The following SEMA3A variants were observed in gnomAD, a reference collection of about 807,000 sequenced individuals.
SEMA3A encodes semaphorin 3A.
Under a neutral mutation model 97.9 loss-of-function variants are expected in SEMA3A, and 29 were observed. That is an observed-to-expected ratio of 0.30 (90% confidence interval 0.22 to 0.40). SEMA3A has a LOEUF of 0.40. Among genes scored for constraint, SEMA3A ranks in the 10% least tolerant of loss-of-function variants. The probability of loss-of-function intolerance (pLI) is 1.00; values close to 1 mark genes in which losing one functional copy is unlikely to be tolerated. For missense variants in SEMA3A, 763 were observed against 951.3 expected (o/e 0.80, Z 2.60); for synonymous variants, 321 against 323.7 (o/e 0.99, Z 0.09).
At chr7:84,115,451 T>A (rs1420672320) in intron 3 of SEMA3A, among the ~76,000 whole-genome samples, 1 of 70,000 alleles carries the variant, frequency 1.4e-5, no homozygotes, top group African/African-American at 3.9e-5. Flanking sequence ...TCAAAATGAT[T>A]ATACACTAGG....
At chr7:84,008,457 C>G (rs966948930) in intron 9 of SEMA3A, among the ~76,000 whole-genome samples, 9 of 144,058 alleles carry the variant, frequency 6.2e-5, no homozygotes, top group Non-Finnish European at 1.3e-4. Context: ...TGCCACTGCA[C>G]TCCAGCCTGG....
chr7:84,397,415 TTATA>T (rs895714622), intron 1 of SEMA3A, among the ~76,000 whole-genome samples: 2 of 148,274 alleles, frequency 1.3e-5, no homozygotes, highest in African/African-American at 4.9e-5. Flanking sequence ...GTAATAAGCA[TTATA>T]TATATAAAAT....
chr7:84,183,930 A>G (rs1797803278), intron 1 of SEMA3A, among the ~76,000 whole-genome samples: 1 of 152,180 alleles, frequency 6.6e-6, no homozygotes, highest in South Asian at 2.1e-4. Context: ...AAAGAAATAA[A>G]TTACTATACC....
At chr7:83,961,893 C>G (rs181248806) in intron 16 of SEMA3A, 67 bp from the exon 17 acceptor site, 1 of 1,224,440 alleles carries the variant, frequency 8.2e-7, no homozygotes, top group Non-Finnish European at 1.1e-6. Flanking sequence ...TCTGAAACTC[C>G]GTGTCTGTAA....
intron 1 of SEMA3A, among the ~76,000 whole-genome samples, chr7:84,463,470 G>T (rs571909729): frequency 2.6e-5 from 4 of 151,852 alleles, no homozygotes; most frequent in Non-Finnish European, 4.4e-5. Context: ...GGATAGTCCC[G>T]ATCTCCTAAC....
At position 83,961,255 on chromosome 7, in the gene SEMA3A, A is replaced by G; in HGVS notation, c.*116T>C. The G allele has an allele frequency of 1.2e-6, 1 of 816,118 alleles. No individual in the cohort carries two copies. Among genetic ancestry groups the G allele is most frequent in the South Asian group, 1.6e-5 (1 of 61,024 alleles). The allele number at this position is 816,118 out of a possible 1,614,324, so 50.6% of individuals were successfully genotyped here. A position where few individuals can be genotyped will look rare whatever the true frequency, so the allele number is the denominator to read the frequency against. On this transcript the variant is annotated 3_prime_UTR_variant, in exon 17 of 17. Coordinates refer to ENST00000265362, the MANE Select transcript of SEMA3A (RefSeq NM_006080.3). ...TTGGTGGAACTCAGCTGAATTTCCC[A>G]CCATTGTAAACATCCACATAATGCC...
intron 4 of SEMA3A, among the ~76,000 whole-genome samples, chr7:84,073,863 TAAAAAAAAAAA>T (rs57789538): frequency 0.029 from 2,941 of 101,690 alleles, 115 homozygotes; most frequent in African/African-American, 0.086. Context: ...TAAAAAAAGC[TAAAAAAAAAAA>T]AAAAAAGCTA....
chr7:83,980,822 C>T (rs1251353177), intron 14 of SEMA3A, among the ~76,000 whole-genome samples: 9 of 151,506 alleles, frequency 5.9e-5, no homozygotes, highest in African/African-American at 7.3e-5. Context: ...AACAAATAGA[C>T]GTATTTTGTG....
chr7:84,471,510 C>T (rs1291187491), intron 1 of SEMA3A, among the ~76,000 whole-genome samples: 1 of 151,988 alleles, frequency 6.6e-6, no homozygotes, highest in East Asian at 1.9e-4. Flanking sequence ...CTAAACACGT[C>T]TATGCGGGAA....
intron 1 of SEMA3A, among the ~76,000 whole-genome samples, chr7:84,486,632 C>T (rs899032108): frequency 2.0e-5 from 3 of 152,094 alleles, no homozygotes; most frequent in Non-Finnish European, 4.4e-5. Context: ...GATGGATACT[C>T]TGTACATTTT....
At chr7:84,427,744 A>G (rs905355159) in intron 1 of SEMA3A, among the ~76,000 whole-genome samples, 1 of 151,696 alleles carries the variant, frequency 6.6e-6, no homozygotes, top group Non-Finnish European at 1.5e-5. Context: ...TAAGAGCTAC[A>G]TGGTCCATTC....
chr7:84,054,356 G>C (rs1372425544), intron 5 of SEMA3A, among the ~76,000 whole-genome samples: 7 of 151,894 alleles, frequency 4.6e-5, no homozygotes, highest in Non-Finnish European at 7.4e-5. Flanking sequence ...ACACCAATCA[G>C]ATGTAGATTT....
intron 3 of SEMA3A, among the ~76,000 whole-genome samples, chr7:84,229,800 T>C (rs1799078056): frequency 6.6e-6 from 1 of 152,052 alleles, no homozygotes; most frequent in East Asian, 1.9e-4. Context: ...GGTTCTTTTC[T>C]TTCGAGTCAA....
intron 1 of SEMA3A, among the ~76,000 whole-genome samples, chr7:84,446,937 C>T (rs1805428700): frequency 6.6e-6 from 1 of 152,110 alleles, no homozygotes; most frequent in Non-Finnish European, 1.5e-5. Flanking sequence ...TTGGCTGCAG[C>T]TGCAGCTGCC....
intron 1 of SEMA3A, among the ~76,000 whole-genome samples, chr7:84,475,098 C>T (rs894481036): frequency 2.0e-5 from 3 of 152,082 alleles, no homozygotes; most frequent in Non-Finnish European, 2.9e-5. Context: ...CCAAGAGTGC[C>T]GGGTCCCAGG....
intron 1 of SEMA3A, among the ~76,000 whole-genome samples, chr7:84,465,338 A>G (rs1447486170): frequency 1.3e-5 from 2 of 152,154 alleles, no homozygotes; most frequent in Non-Finnish European, 2.9e-5. Context: ...TCTCTTGTAT[A>G]TGTTAGACAT....
At chr7:84,386,881 T>C (rs1803410554) in intron 1 of SEMA3A, among the ~76,000 whole-genome samples, 1 of 151,964 alleles carries the variant, frequency 6.6e-6, no homozygotes, top group Non-Finnish European at 1.5e-5. Flanking sequence ...TTGCCTGTAA[T>C]CCCAGCTACT....
chr7:84,290,788 A>T (rs1171461766), intron 3 of SEMA3A, among the ~76,000 whole-genome samples: 3 of 152,144 alleles, frequency 2.0e-5, no homozygotes, highest in African/African-American at 7.2e-5. Flanking sequence ...TCAGAGATGA[A>T]CATTTAACTG....
chr7:84,282,483 TCCC>T (rs901438133), intron 3 of SEMA3A, among the ~76,000 whole-genome samples: 4 of 152,148 alleles, frequency 2.6e-5, no homozygotes, highest in African/African-American at 9.7e-5. Flanking sequence ...CTTTACTGTT[TCCC>T]CCATTTATTA....
Sources: allele counts gnomAD v4.1 joint callset (sites outside exome capture counted in the v4.1 genomes callset), GRCh38; gene constraint gnomAD v4.1.1; transcripts MANE v1.5; gene names NCBI Gene and HGNC (gene_info 2026-07-23, HGNC 2026-07-21).